Variants in MECOM observed in about 807,000 individuals in gnomAD.
MECOM encodes MDS1 and EVI1 complex locus.
In MECOM, 13 loss-of-function variants were observed where a neutral mutation model predicts 116.3. That is an observed-to-expected ratio of 0.11 (90% CI 0.07 to 0.18). MECOM has a LOEUF of 0.18. Ranked by LOEUF, MECOM falls within the 10% of genes least tolerant of loss-of-function variation. The pLI is 1.00. For synonymous variants in MECOM, 528 were observed against 535.2 expected, an observed-to-expected ratio of 0.99 and a Z score of 0.19; for missense variants, 1,299 against 1,509.0, an observed-to-expected ratio of 0.86 and a Z score of 2.31.
chr3:169,642,793 A>G (rs1409125076), intron 1 of MECOM, among the ~76,000 whole-genome samples: 1 of 123,470 alleles, frequency 8.1e-6, no homozygotes, highest in Admixed American at 8.1e-5. Flanking sequence ...CATCCTGCCA[A>G]CCTATCAAAA....
intron 1 of MECOM, among the ~76,000 whole-genome samples, chr3:169,522,785 G>A (rs947838197): frequency 2.0e-5 from 3 of 152,242 alleles, no homozygotes; most frequent in Non-Finnish European, 4.4e-5. Context: ...TCAATCTTCT[G>A]ATGTGTGTGA....
At chr3:169,137,307 G>T (rs903324370) in intron 3 of MECOM, among the ~76,000 whole-genome samples, 2 of 152,062 alleles carry the variant, frequency 1.3e-5, no homozygotes, top group South Asian at 4.1e-4. Flanking sequence ...TACAATATAT[G>T]CATTAGGAAA....
intron 1 of MECOM, among the ~76,000 whole-genome samples, chr3:169,489,005 T>G (rs1752746646): frequency 6.6e-6 from 1 of 152,026 alleles, no homozygotes; most frequent in African/African-American, 2.4e-5. Context: ...CTGAATTAAT[T>G]TTTTAAAAGG....
chr3:169,213,509 TA>T (rs1751050290), intron 2 of MECOM, among the ~76,000 whole-genome samples: 1 of 152,106 alleles, frequency 6.6e-6, no homozygotes, highest in East Asian at 1.9e-4. Context: ...TTTATCCTAT[TA>T]AAAAAGTGTT....
chr3:169,522,905 C>T (rs114408171), intron 1 of MECOM, among the ~76,000 whole-genome samples: 2,618 of 152,210 alleles, frequency 0.017, 39 homozygotes, highest in Non-Finnish European at 0.026. Flanking sequence ...TTGTAAAGAA[C>T]CAGTATTTAG....
At chr3:169,637,929 T>TA (rs1773013497) in intron 1 of MECOM, among the ~76,000 whole-genome samples, 1 of 152,120 alleles carries the variant, frequency 6.6e-6, no homozygotes, top group African/African-American at 2.4e-5. Flanking sequence ...GCATGAAAGG[T>TA]AAACTCTATA....
Position 169,115,982 on chromosome 3 carries a change from A to G in MECOM, c.1890T>C (p.Ala630=). 1 of 1,614,170 alleles carries G rather than the reference A, an allele frequency of 6.2e-7. No individual in the cohort carries two copies. Among genetic ancestry groups the G allele is most frequent in the Non-Finnish European group, 8.5e-7 (1 of 1,180,040 alleles). Residue 630 remains alanine (A), a synonymous_variant, in exon 8 of 17, where the codon GCT becomes GCC. Transcript: ENST00000651503. ...KDKVSPLQNL[A]SINNKKEYSN... is the part of the protein sequence containing the mutation. ...TGTATTCTTTCTTATTATTTATTGA[A>G]GCCAGATTCTGAAGAGGGCTTACTT...
At chr3:169,567,563 C>A (rs746459087) in intron 1 of MECOM, among the ~76,000 whole-genome samples, 1 of 152,038 alleles carries the variant, frequency 6.6e-6, no homozygotes, top group Non-Finnish European at 1.5e-5. Flanking sequence ...CAGTAAGGCT[C>A]CTGAAAGTCA....
intron 11 of MECOM, among the ~76,000 whole-genome samples, chr3:169,101,437 G>A (rs1453132700): frequency 6.6e-6 from 1 of 152,046 alleles, no homozygotes; most frequent in African/African-American, 2.4e-5. Context: ...ATCCATCAAG[G>A]TATGTACCCA....
intron 3 of MECOM, among the ~76,000 whole-genome samples, chr3:169,136,457 A>G (rs894290414): frequency 8.6e-5 from 13 of 151,572 alleles, no homozygotes; most frequent in Non-Finnish European, 1.6e-4. Context: ...ATATACTTGG[A>G]ATTAGAATTA....
intron 2 of MECOM, among the ~76,000 whole-genome samples, chr3:169,195,241 G>A (rs1748262796): frequency 6.6e-6 from 1 of 152,064 alleles, no homozygotes; most frequent in Non-Finnish European, 1.5e-5. Context: ...TACCCCAGGT[G>A]AAATGAGCCT....
chr3:169,468,422 T>C (rs1748665885), intron 1 of MECOM, among the ~76,000 whole-genome samples: 1 of 152,230 alleles, frequency 6.6e-6, no homozygotes, highest in Non-Finnish European at 1.5e-5. Flanking sequence ...ATTAATTGTG[T>C]AATTAATTTT....
chr3:169,482,840 AT>A (rs1454877325), intron 1 of MECOM, among the ~76,000 whole-genome samples: 1 of 152,252 alleles, frequency 6.6e-6, no homozygotes, highest in Non-Finnish European at 1.5e-5. Flanking sequence ...AACATTTAAA[AT>A]TGATAGGCCT....
At chr3:169,405,846 T>C (rs1256292192) in intron 1 of MECOM, among the ~76,000 whole-genome samples, 1 of 152,164 alleles carries the variant, frequency 6.6e-6, no homozygotes, top group Admixed American at 6.5e-5. Flanking sequence ...AATTTCTACA[T>C]CAGAGTAGCA....
At chr3:169,658,476 G>A (rs1775807534) in intron 1 of MECOM, among the ~76,000 whole-genome samples, 1 of 152,244 alleles carries the variant, frequency 6.6e-6, no homozygotes, top group African/African-American at 2.4e-5. Flanking sequence ...GCATGTGTGG[G>A]TGTGAGTTTA....
At position 169,217,024 on chromosome 3, in the gene MECOM, C is replaced by T. The variant is rs949995160; in HGVS notation, c.376-73192G>A. On this transcript the variant is annotated intron_variant, in intron 2 of 16. Transcript: ENST00000651503. ...CAGGTATGATACCATAGAGAACAACCGACAGATACCCCATCTCTGTGGGTT... is the reference window on the plus strand; with the variant it reads ...CAGGTATGATACCATAGAGAACAACTGACAGATACCCCATCTCTGTGGGTT... Among the ~76,000 whole-genome samples, 7 of 152,120 alleles carry T rather than the reference C, an allele frequency of 4.6e-5. No homozygotes were observed. The South Asian group carries it at 6.2e-4, about 14-fold the overall frequency.
chr3:169,609,728 G>A (rs1274400753), intron 1 of MECOM, among the ~76,000 whole-genome samples: 2 of 152,214 alleles, frequency 1.3e-5, no homozygotes, highest in Admixed American at 1.3e-4. Flanking sequence ...TTATAAACAA[G>A]CAGCAAGTCA....
rs758085970 is a variant in MECOM at position 169,089,042 on chromosome 3, T to C, written c.3543A>G (p.Pro1181=). ...ELSSFSTSHV[P]EELKQPLHRK... ...TGTGTAACGGCTGCTTAAGTTCCTCTGGCACATGGGAAGTACTAAAAGAAG... is the reference window on the plus strand; with the variant it reads ...TGTGTAACGGCTGCTTAAGTTCCTCCGGCACATGGGAAGTACTAAAAGAAG... The change falls in exon 16 of 17, where the codon CCA becomes CCG. Residue 1181 remains proline (P), a synonymous_variant. Coordinates refer to ENST00000651503, the MANE Select transcript of MECOM (RefSeq NM_004991.4). The C allele has an allele frequency of 1.1e-5, 17 of 1,605,946 alleles. No individual in the cohort carries two copies. In the South Asian group the frequency reaches 1.9e-4, roughly 18 times the overall value.
intron 1 of MECOM, among the ~76,000 whole-genome samples, chr3:169,628,208 C>T (rs1469787260): frequency 6.6e-6 from 1 of 152,144 alleles, no homozygotes; most frequent in African/African-American, 2.4e-5. Flanking sequence ...ACACCTGCTG[C>T]GGGGAAAGCC....
Sources: gnomAD v4.1 joint callset for allele counts (sites outside exome capture counted in the v4.1 genomes callset) on GRCh38, gnomAD v4.1.1 for gene constraint, MANE v1.5 for transcripts, NCBI Gene and HGNC (gene_info 2026-07-23, HGNC 2026-07-21) for gene names.